The following MFHAS1 variants were observed in gnomAD, a reference collection of about 807,000 sequenced individuals.
The protein encoded by MFHAS1 is multifunctional ROCO family signaling regulator 1, also known as malignant fibrous histiocytoma-amplified sequence 1.
In MFHAS1, 50 loss-of-function variants were observed where a neutral mutation model predicts 70.4. The ratio of observed to expected loss-of-function variants is 0.71; its 90% CI spans 0.57 to 0.90. The LOEUF is 0.90. MFHAS1 is among the 40% of genes least tolerant of loss of function. The pLI, the probability that MFHAS1 is intolerant of heterozygous loss-of-function variation, is 0.00. For synonymous variants in MFHAS1, 952 were observed against 620.0 expected (o/e 1.54, Z -7.96); for missense variants, 1,795 against 1,347.6 (o/e 1.33, Z -5.20).
intron 1 of MFHAS1, among the ~76,000 whole-genome samples, chr8:8,870,420 C>T (rs1051205448): frequency 2.0e-5 from 3 of 151,954 alleles, no homozygotes; most frequent in South Asian, 2.1e-4. Context: ...AAGCTGAAAT[C>T]GCGCCACCTC....
chr8:8,855,411 G>C (rs1052330685), intron 1 of MFHAS1, among the ~76,000 whole-genome samples: 1 of 152,236 alleles, frequency 6.6e-6, no homozygotes, highest in Non-Finnish European at 1.5e-5. Flanking sequence ...CGCTTTCCAA[G>C]CGCTTTCAAG....
Position 8,891,190 on chromosome 8 carries a change from G to A in MFHAS1, c.1869C>T (p.Pro623=), listed in dbSNP as rs201372453. ...GGTCCCTGCAGCTAACAGGCAACAC[G>A]GGGGAGAGGATCTGCAGCCGGTGGT... The part of the protein sequence containing the change: ...LLNHRLQILS[P]VLPVSCRDPR... The change falls in exon 1 of 3, where the codon CCC becomes CCT. Residue 623 remains proline (P), a synonymous_variant. Transcript: ENST00000276282. The surrounding 1 kb of genome is among the most constrained non-coding windows in gnomAD (Gnocchi z 5.4). The A allele has an allele frequency of 3.7e-6, 6 of 1,612,838 alleles. No homozygotes were observed. The highest frequency in any genetic ancestry group is 4.5e-5 in the East Asian group (2 of 44,898).
chr8:8,875,548 C>T (rs932819183), intron 1 of MFHAS1, among the ~76,000 whole-genome samples: 3 of 152,158 alleles, frequency 2.0e-5, no homozygotes, highest in African/African-American at 7.2e-5. Flanking sequence ...GTAGTGATTA[C>T]TTTAGATACC....
At chr8:8,828,479 T>C (rs1213845767) in intron 1 of MFHAS1, among the ~76,000 whole-genome samples, 1 of 152,122 alleles carries the variant, frequency 6.6e-6, no homozygotes, top group African/African-American at 2.4e-5. Context: ...CCATACTGTA[T>C]CTTAGGCCGT....
At chr8:8,879,193 A>T (rs7824578) in intron 1 of MFHAS1, among the ~76,000 whole-genome samples, 122,927 of 151,912 alleles carry the variant, frequency 0.81, 51,682 homozygotes, top group Non-Finnish European at 0.92. Flanking sequence ...TACTAAAAAT[A>T]CAAAAAAAAC....
chr8:8,889,181 TAAGCACTGCCAGA>T (rs946594922), intron 1 of MFHAS1, among the ~76,000 whole-genome samples: 3 of 152,196 alleles, frequency 2.0e-5, no homozygotes, highest in Admixed American at 6.5e-5. Context: ...TCTCAATTAT[TAAGCACTGCCAGA>T]AAGCTTCATT....
At chr8:8,877,198 G>A (rs943626108) in intron 1 of MFHAS1, among the ~76,000 whole-genome samples, 5 of 150,894 alleles carry the variant, frequency 3.3e-5, no homozygotes, top group African/African-American at 1.2e-4. Flanking sequence ...TACTGGGGAG[G>A]CTGAGGTGGG....
intron 1 of MFHAS1, among the ~76,000 whole-genome samples, chr8:8,871,985 C>T (rs968946562): frequency 1.3e-5 from 2 of 152,312 alleles, no homozygotes; most frequent in South Asian, 2.1e-4. Flanking sequence ...TGAAAATCTG[C>T]CCCATTCCAG....
chr8:8,797,959 G>A (rs1805966553), intron 1 of MFHAS1, among the ~76,000 whole-genome samples: 2 of 152,212 alleles, frequency 1.3e-5, no homozygotes, highest in African/African-American at 4.8e-5. Context: ...AAACACAGCA[G>A]ACTAAAAGTG....
At chr8:8,827,906 C>CT (rs57655426) in intron 1 of MFHAS1, among the ~76,000 whole-genome samples, 19 of 151,280 alleles carry the variant, frequency 1.3e-4, no homozygotes, top group South Asian at 2.1e-4. Flanking sequence ...AATTTAATTT[C>CT]TTTTTTTTTA....
chr8:8,829,805 C>G (rs545677446), intron 1 of MFHAS1, among the ~76,000 whole-genome samples: 1 of 152,280 alleles, frequency 6.6e-6, no homozygotes, highest in Non-Finnish European at 1.5e-5. Context: ...GGGGAAGACA[C>G]ATTTCAGATA....
intron 1 of MFHAS1, among the ~76,000 whole-genome samples, chr8:8,838,134 T>C (rs1020596875): frequency 5.3e-5 from 8 of 152,184 alleles, no homozygotes; most frequent in Non-Finnish European, 1.2e-4. Flanking sequence ...GTCAAATACA[T>C]TACACTGAGT....
chr8:8,873,058 G>A (rs774122216), intron 1 of MFHAS1, among the ~76,000 whole-genome samples: 2 of 152,122 alleles, frequency 1.3e-5, no homozygotes, highest in Admixed American at 6.5e-5. Flanking sequence ...TCTTATTACT[G>A]TACCTTGGGC....
At chr8:8,786,845 G>C (rs906218629) in intron 2 of MFHAS1, among the ~76,000 whole-genome samples, 1 of 151,856 alleles carries the variant, frequency 6.6e-6, no homozygotes, top group Non-Finnish European at 1.5e-5. Context: ...TTCAGCATCT[G>C]CCTAAACACT....
chr8:8,809,407 C>G (rs1026489793), intron 1 of MFHAS1, among the ~76,000 whole-genome samples: 1 of 151,976 alleles, frequency 6.6e-6, no homozygotes, highest in Non-Finnish European at 1.5e-5. Context: ...CTACAATGGC[C>G]CGACATGTAA....
rs1256890239 is a variant in MFHAS1, at chr8:8,890,457, T to C, written c.2602A>G (p.Thr868Ala). 1 of 1,613,942 alleles carries C rather than the reference T, an allele frequency of 6.2e-7. No individual in the cohort carries two copies. The highest frequency in any genetic ancestry group is 8.5e-7 in the Non-Finnish European group (1 of 1,180,042). Residue 868 changes from threonine to alanine, a missense_variant, in exon 1 of 3, where the codon ACC becomes GCC. Physicochemically the swap from Thr to Ala is moderately conservative, Grantham distance 58. Transcript: ENST00000276282. The part of the protein sequence containing the change: ...VPHAEAWING[T>A]NLAGQSFVAE... Reference sequence around the variant, plus strand: ...ACAAAAGACTGCCCAGCTAGGTTGGTCCCATTAATCCAGGCTTCTGCATGG... The same window carrying C: ...ACAAAAGACTGCCCAGCTAGGTTGGCCCCATTAATCCAGGCTTCTGCATGG...
chr8:8,822,619 C>T (rs1807003848), intron 1 of MFHAS1, among the ~76,000 whole-genome samples: 1 of 143,166 alleles, frequency 7.0e-6, no homozygotes, highest in South Asian at 2.4e-4. Flanking sequence ...AGACAGGGAC[C>T]CAAGTCAGGG....
At chr8:8,794,092 A>G (rs141110609) in intron 2 of MFHAS1, among the ~76,000 whole-genome samples, 94 of 152,260 alleles carry the variant, frequency 6.2e-4, no homozygotes, top group African/African-American at 2.2e-3. Flanking sequence ...TAGGAGGCTG[A>G]GGCAGAAGAA....
intron 1 of MFHAS1, among the ~76,000 whole-genome samples, chr8:8,849,830 A>G (rs1808176759): frequency 6.6e-6 from 1 of 152,370 alleles, no homozygotes; most frequent in Middle Eastern, 3.4e-3. Context: ...AAGACGGTTC[A>G]TGGCTCAAAG....
Sources: gnomAD v4.1 joint callset for allele counts (sites outside exome capture counted in the v4.1 genomes callset) on GRCh38, gnomAD v4.1.1 for gene constraint, Gnocchi (gnomAD v3.1) non-coding constraint, MANE v1.5 for transcripts, NCBI Gene and HGNC (gene_info 2026-07-23, HGNC 2026-07-21) for gene names.